The following PDGFD variants were observed in gnomAD, a reference collection of about 807,000 sequenced individuals.
The protein encoded by PDGFD is platelet-derived growth factor D.
In PDGFD, 30 loss-of-function variants were observed where a neutral mutation model predicts 44.7. That is an observed-to-expected ratio of 0.67 (90% confidence interval 0.50 to 0.91). The LOEUF is 0.91. Ranked by LOEUF, PDGFD falls within the 40% of genes least tolerant of loss-of-function variation. PDGFD has a pLI of 0.00. For synonymous variants in PDGFD, 173 were observed against 168.4 expected (o/e 1.03, Z -0.21); for missense variants, 445 against 457.8 (o/e 0.97, Z 0.25).
intron 6 of PDGFD, among the ~76,000 whole-genome samples, chr11:103,915,702 G>T (rs1293065087): frequency 3.3e-5 from 5 of 152,092 alleles, no homozygotes; most frequent in African/African-American, 1.2e-4. Context: ...ATACTATAAG[G>T]CTACAGTAAC....
intron 1 of PDGFD, among the ~76,000 whole-genome samples, chr11:104,105,829 A>C (rs998020128): frequency 4.0e-5 from 6 of 151,698 alleles, no homozygotes; most frequent in African/African-American, 1.4e-4. Flanking sequence ...ACTTTTTTTG[A>C]AAGTTTTGCT....
chr11:104,029,297 T>C (rs78124689), intron 1 of PDGFD, among the ~76,000 whole-genome samples: 4,952 of 152,282 alleles, frequency 0.033, 287 homozygotes, highest in African/African-American at 0.11. Context: ...AATAGGTGAG[T>C]TGATTTATCT....
intron 1 of PDGFD, among the ~76,000 whole-genome samples, chr11:104,138,345 A>T (rs1411013002): frequency 6.6e-6 from 1 of 152,232 alleles, no homozygotes; most frequent in Non-Finnish European, 1.5e-5. Flanking sequence ...CTAGACAAAA[A>T]TTGGCATCAC....
chr11:103,938,521 G>C (rs1858529993), intron 5 of PDGFD, among the ~76,000 whole-genome samples: 1 of 152,092 alleles, frequency 6.6e-6, no homozygotes, highest in African/African-American at 2.4e-5. Flanking sequence ...TCACTCTGAT[G>C]GTAGTTTCTT....
At position 104,061,479 on chromosome 11, in the gene PDGFD, T is replaced by C. The variant is rs11226136; in HGVS notation, c.125-61224A>G. Among the ~76,000 whole-genome samples, 939 of 152,336 alleles carry C rather than the reference T, an allele frequency of 6.2e-3. 20 individuals are homozygous for C. The East Asian group carries it at 0.084, about 14-fold the overall frequency. ...AAAAAAGACTTAACAGATGCCCTAA[T>C]TTTAAAAGCGATCAAAAATCTGTTC... On this transcript the variant is annotated intron_variant, in intron 1 of 6. Transcript: ENST00000393158.
intron 1 of PDGFD, among the ~76,000 whole-genome samples, chr11:104,049,857 G>A (rs1860501551): frequency 6.6e-6 from 1 of 152,148 alleles, no homozygotes; most frequent in Admixed American, 6.5e-5. Flanking sequence ...GACTCTGTGA[G>A]GATGGTGAAG....
intron 1 of PDGFD, among the ~76,000 whole-genome samples, chr11:104,141,850 C>T (rs1435008807): frequency 6.6e-6 from 1 of 152,052 alleles, no homozygotes; most frequent in African/African-American, 2.4e-5. Flanking sequence ...TACTGATACC[C>T]CTATTTCGAC....
chr11:104,039,466 A>C (rs77532893), intron 1 of PDGFD, among the ~76,000 whole-genome samples: 9,212 of 144,234 alleles, frequency 0.064, 374 homozygotes, highest in Admixed American at 0.091. Context: ...CTTCTTGGTA[A>C]TACTAATCAA....
At position 104,164,004 on chromosome 11, in the gene PDGFD, C is replaced by G. The variant is rs1454397523; in HGVS notation, c.-77G>C. On this transcript the variant is annotated 5_prime_UTR_variant, in exon 1 of 7. Coordinates refer to ENST00000393158, the MANE Select transcript of PDGFD (RefSeq NM_025208.5). ...CTCCCGGGACCGACGCCGCGCCGCC[C>G]TGCGCTCTCGCCGCCTGCGCTCGCC... 1 of 1,430,026 alleles carries G rather than the reference C, an allele frequency of 7.0e-7. No homozygotes were observed. Among genetic ancestry groups the G allele is most frequent in the African/African-American group, 1.4e-5 (1 of 70,544 alleles). The allele number at this position is 1,430,026 out of a possible 1,614,324, so 88.6% of individuals were successfully genotyped here.
At chr11:103,996,012 ACACTTCATGAAAC>A (rs1406315859) in intron 3 of PDGFD, 40 bp downstream of exon 3, 1 of 1,495,796 alleles carries the variant, frequency 6.7e-7, no homozygotes, top group African/African-American at 1.4e-5. Flanking sequence ...ATTGATCTCT[ACACTTCATGAAAC>A]CAGTGTCTGC....
At chr11:104,118,751 TA>T in intron 1 of PDGFD, among the ~76,000 whole-genome samples, 1 of 120,868 alleles carries the variant, frequency 8.3e-6, no homozygotes, top group African/African-American at 3.1e-5. Flanking sequence ...TATTATTATA[TA>T]GTATATATTA....
chr11:103,966,910 C>T (rs1157245719), intron 3 of PDGFD, among the ~76,000 whole-genome samples: 1 of 152,152 alleles, frequency 6.6e-6, no homozygotes, highest in African/African-American at 2.4e-5. Context: ...CCCCAGAAAA[C>T]AGTGCTTCCC....
intron 1 of PDGFD, among the ~76,000 whole-genome samples, chr11:104,078,870 T>G (rs1322053052): frequency 6.3e-5 from 3 of 47,702 alleles, no homozygotes; most frequent in African/African-American, 2.5e-4. Flanking sequence ...TTACTTTATA[T>G]ACTTTATATA....
intron 5 of PDGFD, 128 bp from the exon 6 acceptor site, chr11:103,927,254 C>T (rs1016508495): frequency 3.3e-5 from 26 of 793,312 alleles, no homozygotes; most frequent in Non-Finnish European, 4.4e-5. Context: ...AATCCATCCT[C>T]AGGCTCTCAA....
chr11:104,002,129 C>A (rs1378678114), intron 1 of PDGFD, among the ~76,000 whole-genome samples: 9 of 152,094 alleles, frequency 5.9e-5, no homozygotes, highest in Admixed American at 5.9e-4. Flanking sequence ...TCCTAGGAGA[C>A]GAAAATCATT....
At chr11:103,919,720 G>C (rs1435153299) in intron 6 of PDGFD, among the ~76,000 whole-genome samples, 1 of 151,814 alleles carries the variant, frequency 6.6e-6, no homozygotes, top group Non-Finnish European at 1.5e-5. Context: ...CGTTGGCCAG[G>C]CTGGTCTTGA....
chr11:104,162,818 T>C (rs893205449), intron 1 of PDGFD, among the ~76,000 whole-genome samples: 20 of 152,136 alleles, frequency 1.3e-4, no homozygotes, highest in African/African-American at 4.6e-4. Context: ...GATGGTCTCC[T>C]TGGGAGATGT....
At chr11:104,037,121 C>A in intron 1 of PDGFD, 3 of 1,613,954 alleles carry the variant, frequency 1.9e-6, no homozygotes, top group Non-Finnish European at 2.5e-6. Flanking sequence ...AGTGGCATTG[C>A]GGTGCCTGGG....
At chr11:104,008,145 T>C (rs945663678) in intron 1 of PDGFD, among the ~76,000 whole-genome samples, 1 of 152,198 alleles carries the variant, frequency 6.6e-6, no homozygotes, top group African/African-American at 2.4e-5. Context: ...GTCATCCCTC[T>C]GGCTTCTGTT....
Sources: allele counts gnomAD v4.1 joint callset (sites outside exome capture counted in the v4.1 genomes callset), GRCh38; gene constraint gnomAD v4.1.1; transcripts MANE v1.5; gene names NCBI Gene and HGNC (gene_info 2026-07-23, HGNC 2026-07-21).